The following RANBP17 variants were observed in gnomAD, a reference collection of about 807,000 sequenced individuals.
The protein encoded by RANBP17 is ran-binding protein 17.
A neutral mutation model predicts 141.2 loss-of-function variants in RANBP17; 158 were observed. That is an observed-to-expected ratio of 1.12 (90% CI 0.98 to 1.28). RANBP17 has a LOEUF of 1.28. Among genes scored for constraint, RANBP17 ranks in the 50% most tolerant of loss-of-function variants. The probability of loss-of-function intolerance (pLI) is 0.00; values close to 1 mark genes in which losing one functional copy is unlikely to be tolerated. For missense variants in RANBP17, 1,438 were observed against 1,290.7 expected (o/e 1.11, Z -1.75); for synonymous variants, 430 against 450.0 (o/e 0.96, Z 0.56).
rs140770789 is a variant in RANBP17 at position 171,230,867 on chromosome 5, G to A, written c.2422+9027G>A. Among the ~76,000 whole-genome samples, 380 of 152,102 alleles carry A rather than the reference G, an allele frequency of 2.5e-3. 2 individuals are homozygous for A. The highest frequency in any genetic ancestry group is 8.8e-3 in the African/African-American group (365 of 41,498). ...ACATTTTTGAGAAACCACTTTGATA[G>A]CGTTGTGGTAGGTGAATTATTTGGT... On this transcript the variant is annotated intron_variant, in intron 22 of 27. Coordinates refer to ENST00000523189, the MANE Select transcript of RANBP17 (RefSeq NM_022897.5).
At chr5:171,245,400 C>T (rs529418073) in intron 24 of RANBP17, among the ~76,000 whole-genome samples, 30 of 152,272 alleles carry the variant, frequency 2.0e-4, no homozygotes, top group African/African-American at 6.5e-4. Context: ...CTGCAACCTC[C>T]GTCTCCCGGG....
chr5:170,961,092 A>T lies in RANBP17; in HGVS notation c.1575-7150A>T, dbSNP rs1269369373. On this transcript the variant is annotated intron_variant, in intron 13 of 27. Coordinates refer to ENST00000523189, the MANE Select transcript of RANBP17 (RefSeq NM_022897.5). ...CACATGCTTTCCTTTTTGTCGCAAC[A>T]CTATGGCTTTGCCTTGTTCGTCCTA... is the stretch of plus-strand genomic sequence containing the variant. 9.2e-5 allele frequency among the ~76,000 whole-genome samples: 14 copies of T among 151,966 alleles called. No homozygotes were observed. The South Asian group carries it at 2.9e-3, about 31-fold the overall frequency.
chr5:171,016,640 C>T (rs759544544), intron 14 of RANBP17, among the ~76,000 whole-genome samples: 14 of 152,068 alleles, frequency 9.2e-5, no homozygotes, highest in Middle Eastern at 3.4e-3. Context: ...CCCATTAACT[C>T]GTCATTTACA....
At chr5:170,937,265 T>TC (rs1773959407) in intron 12 of RANBP17, among the ~76,000 whole-genome samples, 2 of 152,136 alleles carry the variant, frequency 1.3e-5, no homozygotes, top group Admixed American at 6.5e-5. Context: ...TTCCTCCTCT[T>TC]CAGTTAGCAC....
intron 14 of RANBP17, among the ~76,000 whole-genome samples, chr5:171,125,397 T>TA (rs200607180): frequency 0.018 from 1,427 of 80,478 alleles, 19 homozygotes; most frequent in African/African-American, 0.046. Flanking sequence ...AAACAAAGGG[T>TA]AAAAAAAAAA....
chr5:171,073,158 G>T (rs188131132), intron 14 of RANBP17, among the ~76,000 whole-genome samples: 18 of 152,106 alleles, frequency 1.2e-4, no homozygotes, highest in Middle Eastern at 6.8e-3. Flanking sequence ...AACTTTCCTG[G>T]TGTAAATTAA....
chr5:171,164,321 G>T (rs1482104150), intron 14 of RANBP17, among the ~76,000 whole-genome samples: 3 of 152,052 alleles, frequency 2.0e-5, no homozygotes, highest in Non-Finnish European at 4.4e-5. Flanking sequence ...GATTAGGATT[G>T]GTAAAAGAAA....
chr5:171,090,029 C>T (rs933694553), intron 14 of RANBP17, among the ~76,000 whole-genome samples: 2 of 152,114 alleles, frequency 1.3e-5, no homozygotes, highest in Admixed American at 6.5e-5. Flanking sequence ...AAATGGGTAC[C>T]AGGAGAGTGG....
chr5:170,957,141 A>G (rs190255343), intron 13 of RANBP17, among the ~76,000 whole-genome samples: 25 of 151,948 alleles, frequency 1.6e-4, no homozygotes, highest in Non-Finnish European at 3.1e-4. Context: ...GAGAAAACGT[A>G]TATTAGGAAA....
rs373986058 is a variant in RANBP17 at position 170,904,933 on chromosome 5, A to G, written c.490-4728A>G. Among the ~76,000 whole-genome samples, 64 of 152,276 alleles carry G rather than the reference A, an allele frequency of 4.2e-4. 1 individual carries two copies. In the South Asian group the frequency reaches 0.013, roughly 30 times the overall value. ...CTATTCAGGGATAGGTTTTATTCCA[A>G]CCGTTAAGGAGGTTTTGTTTCTTCT... On this transcript the variant is annotated intron_variant, in intron 5 of 27. Transcript: ENST00000523189.
At chr5:171,123,479 T>C (rs527451231) in intron 14 of RANBP17, among the ~76,000 whole-genome samples, 2 of 152,346 alleles carry the variant, frequency 1.3e-5, no homozygotes, top group East Asian at 3.9e-4. Flanking sequence ...CCACTGCTAC[T>C]GCCACTGCTC....
chr5:171,096,410 T>C (rs1378685326), intron 14 of RANBP17, among the ~76,000 whole-genome samples: 1 of 152,164 alleles, frequency 6.6e-6, no homozygotes, highest in African/African-American at 2.4e-5. Flanking sequence ...GAATATGTTA[T>C]TGGTGATAGA....
intron 14 of RANBP17, among the ~76,000 whole-genome samples, chr5:171,107,432 A>T (rs1754930126): frequency 6.6e-6 from 1 of 152,174 alleles, no homozygotes; most frequent in East Asian, 1.9e-4. Flanking sequence ...AAAGTTTGTT[A>T]AATTGCTCTT....
chr5:171,026,907 G>A (rs191629637), intron 14 of RANBP17, among the ~76,000 whole-genome samples: 51 of 152,318 alleles, frequency 3.3e-4, no homozygotes, highest in Non-Finnish European at 5.3e-4. Context: ...GGCAGGAGGT[G>A]AGCGGTGCGT....
intron 24 of RANBP17, among the ~76,000 whole-genome samples, chr5:171,262,307 T>C (rs1171020739): frequency 6.6e-6 from 1 of 152,210 alleles, no homozygotes; most frequent in Non-Finnish European, 1.5e-5. Flanking sequence ...GCAACCAGGC[T>C]CAACAAGTCT....
chr5:170,984,163 C>T (rs1178645879), intron 14 of RANBP17, among the ~76,000 whole-genome samples: 1 of 152,114 alleles, frequency 6.6e-6, no homozygotes, highest in African/African-American at 2.4e-5. Context: ...GTGTCTAGAG[C>T]ACCAGAATTC....
At position 171,240,963 on chromosome 5, in the gene RANBP17, G is replaced by T; in HGVS notation, c.2458G>T (p.Asp820Tyr). The change falls in exon 23 of 28, where the codon GAT becomes TAT. Residue 820 changes from aspartate to tyrosine, a missense_variant. Transcript: ENST00000523189. ...CCTGTCCCTTGGGAGCCTCTCAAAA[G>T]ATCAGATTTATCCAATGAAACTCAA... ...QILSLGSLSKDQIYPMKLKGI... is the reference protein window; with the variant it reads ...QILSLGSLSKYQIYPMKLKGI... The T allele has an allele frequency of 6.2e-7, 1 of 1,613,880 alleles. No homozygotes were observed. Among genetic ancestry groups the T allele is most frequent in the Non-Finnish European group, 8.5e-7 (1 of 1,179,848 alleles).
intron 14 of RANBP17, among the ~76,000 whole-genome samples, chr5:171,124,014 A>G (rs1168483767): frequency 6.6e-6 from 1 of 152,192 alleles, no homozygotes; most frequent in African/African-American, 2.4e-5. Context: ...TTAATTCTCT[A>G]AAGTAACAGA....
chr5:171,069,907 G>C (rs943933533), intron 14 of RANBP17, among the ~76,000 whole-genome samples: 5 of 152,144 alleles, frequency 3.3e-5, no homozygotes, highest in Admixed American at 1.3e-4. Context: ...TAGTGCTGTT[G>C]AAATCTAACC....
Sources: gnomAD v4.1 joint callset for allele counts (sites outside exome capture counted in the v4.1 genomes callset) on GRCh38, gnomAD v4.1.1 for gene constraint, MANE v1.5 for transcripts, NCBI Gene and HGNC (gene_info 2026-07-23, HGNC 2026-07-21) for gene names.